COLQ: variants seen among roughly 807,000 people sequenced by gnomAD.
COLQ encodes the protein collagen like tail subunit of asymmetric acetylcholinesterase.
COLQ carries 48 observed loss-of-function variants against 69.0 expected under a neutral mutation model. That is an observed-to-expected ratio of 0.70 (90% CI 0.55 to 0.88). The LOEUF is 0.88. Ranked by LOEUF, COLQ falls within the 40% of genes least tolerant of loss-of-function variation. The pLI is 0.00. For missense variants in COLQ, 618 were observed against 594.6 expected (o/e 1.04, Z -0.41); for synonymous variants, 217 against 211.2 (o/e 1.03, Z -0.24).
intron 10 of COLQ, among the ~76,000 whole-genome samples, chr3:15,471,818 T>C (rs1232266863): frequency 6.6e-6 from 1 of 152,186 alleles, no homozygotes; most frequent in Non-Finnish European, 1.5e-5. Context: ...TTCCAACCCA[T>C]ACATCCTTCA....
At chr3:15,458,164 G>A (rs887744990) in intron 13 of COLQ, 22 bp downstream of exon 13, 1 of 1,612,500 alleles carries the variant, frequency 6.2e-7, no homozygotes, top group Non-Finnish European at 8.5e-7. Context: ...AACCACCCCA[G>A]ACTTCTCCCA....
intron 1 of COLQ, 80 bp from the exon 2 acceptor site, chr3:15,489,717 C>T (rs2062632901): frequency 2.5e-6 from 3 of 1,207,586 alleles, no homozygotes; most frequent in East Asian, 2.5e-5. Flanking sequence ...AGGGAAGACC[C>T]ATCCTGCCAC....
intron 3 of COLQ, among the ~76,000 whole-genome samples, chr3:15,487,997 A>G (rs1321130888): frequency 6.6e-6 from 1 of 152,250 alleles, no homozygotes; most frequent in East Asian, 1.9e-4. Context: ...TCCCCATTGC[A>G]TAGATGAGGA....
chr3:15,462,144 T>C (rs2062128282), intron 12 of COLQ, among the ~76,000 whole-genome samples: 1 of 152,172 alleles, frequency 6.6e-6, no homozygotes, highest in Non-Finnish European at 1.5e-5. Context: ...TTCTCCTGTC[T>C]CAGCCTCCTG....
intron 10 of COLQ, among the ~76,000 whole-genome samples, chr3:15,471,923 C>A (rs1192520851): frequency 6.6e-6 from 1 of 151,296 alleles, no homozygotes; most frequent in Non-Finnish European, 1.5e-5. Flanking sequence ...TTTAGAGAGG[C>A]TCGGGGATGT....
intron 1 of COLQ, among the ~76,000 whole-genome samples, chr3:15,492,496 C>G (rs943787514): frequency 6.6e-6 from 1 of 152,170 alleles, no homozygotes; most frequent in Non-Finnish European, 1.5e-5. Context: ...GAAACCCCGT[C>G]TCTACTAAAA....
At chr3:15,455,755 G>T in intron 15 of COLQ, 144 bp downstream of exon 15, 1 of 997,460 alleles carries the variant, frequency 1.0e-6, no homozygotes, top group Non-Finnish European at 1.5e-6. Context: ...AGGGACTGGG[G>T]TGGGTGGCAC....
Position 15,479,335 on chromosome 3 carries a change from T to C in COLQ, c.366+3A>G, listed in dbSNP as rs567981038. 4 of 1,613,878 alleles carry C rather than the reference T, an allele frequency of 2.5e-6. No individual in the cohort carries two copies. The highest frequency in any genetic ancestry group is 3.4e-6 in the Non-Finnish European group (4 of 1,179,704). ...AAGGGTTGAAGAAAGTAGTGGTCCA[T>C]ACCTTTTCTCCCTTTGGTCCTGTCT... On this transcript the variant is annotated splice_donor_region_variant and intron_variant, in intron 4 of 16. Coordinates refer to ENST00000383788, the MANE Select transcript of COLQ (RefSeq NM_005677.4).
chr3:15,463,946 A>C (rs147013376), intron 12 of COLQ, among the ~76,000 whole-genome samples: 2 of 152,216 alleles, frequency 1.3e-5, no homozygotes, highest in Admixed American at 6.5e-5. Flanking sequence ...GTTATTACCC[A>C]TACTAATCAG....
intron 1 of COLQ, among the ~76,000 whole-genome samples, chr3:15,497,016 C>T (rs1161316356): frequency 2.0e-5 from 3 of 146,664 alleles, no homozygotes; most frequent in Non-Finnish European, 3.0e-5. Context: ...TTGCCCAAAT[C>T]ATCTCCAAAG....
chr3:15,468,334 T>G (rs1366603838), intron 11 of COLQ, among the ~76,000 whole-genome samples: 13 of 141,506 alleles, frequency 9.2e-5, no homozygotes, highest in African/African-American at 2.9e-4. Flanking sequence ...TTTTTTTTTT[T>G]TTTTTTTTTT....
chr3:15,481,547 G>A (rs1403406241), intron 3 of COLQ, among the ~76,000 whole-genome samples: 2 of 152,024 alleles, frequency 1.3e-5, no homozygotes, highest in Admixed American at 6.5e-5. Context: ...TATTTCTGAG[G>A]GCTCTGTTCT....
chr3:15,452,720 A>C (rs2061966947), intron 16 of COLQ, among the ~76,000 whole-genome samples: 1 of 152,192 alleles, frequency 6.6e-6, no homozygotes, highest in Non-Finnish European at 1.5e-5. Context: ...ACACAGACAC[A>C]TACATGGAGT....
chr3:15,458,357 G>C (rs1249576602), intron 12 of COLQ, 32 bp from the exon 13 acceptor site: 1 of 1,613,700 alleles, frequency 6.2e-7, no homozygotes, highest in Non-Finnish European at 8.5e-7. Flanking sequence ...TGTTACTAGA[G>C]CCAAGGAAGA....
intron 1 of COLQ, among the ~76,000 whole-genome samples, chr3:15,509,601 A>G (rs1319440104): frequency 6.6e-6 from 1 of 152,242 alleles, no homozygotes; most frequent in Non-Finnish European, 1.5e-5. Context: ...GTTGCCCCTC[A>G]AAGTACAACA....
At chr3:15,455,855 C>A (rs774726658) in intron 15 of COLQ, 44 bp downstream of exon 15, 3 of 1,613,166 alleles carry the variant, frequency 1.9e-6, no homozygotes, top group Non-Finnish European at 2.5e-6. Flanking sequence ...TCCCACCCCC[C>A]TGCTGTTCAG....
chr3:15,513,134 A>G (rs929050383), intron 1 of COLQ, among the ~76,000 whole-genome samples: 5 of 152,188 alleles, frequency 3.3e-5, no homozygotes, highest in African/African-American at 1.2e-4. Flanking sequence ...TGACCAGAAA[A>G]TACTCAATGA....
At position 15,471,072 on chromosome 3, in the gene COLQ, G is replaced by C. The variant is rs75363835; in HGVS notation, c.637-456C>G. Among the ~76,000 whole-genome samples the C allele has an allele frequency of 3.6e-3, 551 of 152,304 alleles. 23 individuals are homozygous for C. In the East Asian group the frequency reaches 0.089, roughly 25 times the overall value. On this transcript the variant is annotated intron_variant, in intron 10 of 16. Coordinates refer to ENST00000383788, the MANE Select transcript of COLQ (RefSeq NM_005677.4). ...AATTCAAATCTGGAGGTTTTTAAAT[G>C]ATTGGACACTGTTTTGCCAGCTGTC...
chr3:15,493,849 T>C (rs1415379727), intron 1 of COLQ, among the ~76,000 whole-genome samples: 6 of 152,190 alleles, frequency 3.9e-5, no homozygotes. Flanking sequence ...TTTGGGAGGC[T>C]GAGGTGGGCA....
Sources: allele counts gnomAD v4.1 joint callset (sites outside exome capture counted in the v4.1 genomes callset), GRCh38; gene constraint gnomAD v4.1.1; transcripts MANE v1.5; gene names NCBI Gene and HGNC (gene_info 2026-07-23, HGNC 2026-07-21).